Variants in CLSTN2 observed in about 807,000 individuals in gnomAD.
The protein encoded by CLSTN2 is calsyntenin-2.
In CLSTN2, 48 loss-of-function variants were observed where a neutral mutation model predicts 101.2. The ratio of observed to expected loss-of-function variants is 0.47; its 90% CI spans 0.38 to 0.60. The LOEUF (loss-of-function observed/expected upper bound fraction) is 0.60. CLSTN2 is among the 20% of genes least tolerant of loss of function. The pLI is 0.00. For synonymous variants in CLSTN2, 481 were observed against 463.6 expected, an observed-to-expected ratio of 1.04 and a Z score of -0.48; for missense variants, 1,160 against 1,238.2, an observed-to-expected ratio of 0.94 and a Z score of 0.95.
chr3:140,448,790 G>T, intron 6 of CLSTN2, 86 bp downstream of exon 6: 1 of 1,175,686 alleles, frequency 8.5e-7, no homozygotes, highest in South Asian at 1.4e-5. Flanking sequence ...TCTTAGGCAA[G>T]AATCAACCCT....
chr3:140,459,496 T>C (rs748406140), intron 6 of CLSTN2, 25 bp from the exon 7 acceptor site: 3 of 1,611,996 alleles, frequency 1.9e-6, no homozygotes, highest in African/African-American at 2.7e-5. Flanking sequence ...TGACCTGTTA[T>C]CCTTTCTTTC....
chr3:140,359,880 T>C lies in CLSTN2; in HGVS notation c.233-43749T>C, dbSNP rs941107212. ...TGAAGGTCTACTAGCTCTCTGTGGG[T>C]GGTGGAAGCTCAGCAGATACAGATA... On this transcript the variant is annotated intron_variant, in intron 2 of 16. Coordinates refer to ENST00000458420, the MANE Select transcript of CLSTN2 (RefSeq NM_022131.3). Among the ~76,000 whole-genome samples, 15 of 152,106 alleles carry C rather than the reference T, an allele frequency of 9.9e-5. No individual in the cohort carries two copies. The East Asian group carries it at 2.9e-3, about 29-fold the overall frequency.
chr3:140,138,547 T>C (rs2009649534), intron 1 of CLSTN2, among the ~76,000 whole-genome samples: 1 of 152,240 alleles, frequency 6.6e-6, no homozygotes. Context: ...ATGTGGGAAC[T>C]GCAGCCTGAC....
At chr3:140,266,313 A>G (rs2086693605) in intron 2 of CLSTN2, among the ~76,000 whole-genome samples, 1 of 152,244 alleles carries the variant, frequency 6.6e-6, no homozygotes, top group Admixed American at 6.5e-5. Context: ...GTAAAGCAAC[A>G]TTAGAAATCC....
At chr3:140,062,982 A>G (rs1029393153) in intron 1 of CLSTN2, among the ~76,000 whole-genome samples, 3 of 152,224 alleles carry the variant, frequency 2.0e-5, no homozygotes, top group Non-Finnish European at 4.4e-5. Flanking sequence ...TCAAAATATT[A>G]AAAATTGTGA....
chr3:139,979,113 G>T (rs1410517813), intron 1 of CLSTN2, among the ~76,000 whole-genome samples: 2 of 152,088 alleles, frequency 1.3e-5, no homozygotes, highest in Non-Finnish European at 2.9e-5. Context: ...AACTGTGAGA[G>T]CTTGACCCTG....
chr3:140,000,181 T>G (rs1011328831), intron 1 of CLSTN2, among the ~76,000 whole-genome samples: 2 of 152,116 alleles, frequency 1.3e-5, no homozygotes, highest in African/African-American at 4.8e-5. Flanking sequence ...GAGGCTACAG[T>G]TTGAATTCAA....
At chr3:139,945,032 C>A (rs1374418820) in intron 1 of CLSTN2, among the ~76,000 whole-genome samples, 1 of 152,040 alleles carries the variant, frequency 6.6e-6, no homozygotes, top group Non-Finnish European at 1.5e-5. Flanking sequence ...TGACTTATTT[C>A]TATGGAATCA....
At chr3:140,265,965 C>T (rs1187530030) in intron 2 of CLSTN2, among the ~76,000 whole-genome samples, 1 of 152,160 alleles carries the variant, frequency 6.6e-6, no homozygotes, top group African/African-American at 2.4e-5. Context: ...GTAGCTGGTG[C>T]AGACATCATC....
intron 2 of CLSTN2, among the ~76,000 whole-genome samples, chr3:140,327,668 C>T (rs1211428162): frequency 6.6e-6 from 1 of 152,176 alleles, no homozygotes; most frequent in Non-Finnish European, 1.5e-5. Context: ...GCAAGTCAAC[C>T]ATCATGAACC....
At chr3:140,340,318 G>T (rs139771964) in intron 2 of CLSTN2, among the ~76,000 whole-genome samples, 4 of 152,256 alleles carry the variant, frequency 2.6e-5, no homozygotes, top group Non-Finnish European at 5.9e-5. Context: ...AATGTATGCC[G>T]GCCAGCTTTG....
chr3:140,540,590 CA>C (rs1935456398), intron 9 of CLSTN2, among the ~76,000 whole-genome samples: 1 of 152,106 alleles, frequency 6.6e-6, no homozygotes, highest in South Asian at 2.1e-4. Context: ...CATCAAGGGG[CA>C]TCCCCAGGAA....
intron 2 of CLSTN2, among the ~76,000 whole-genome samples, chr3:140,398,814 G>A (rs900340728): frequency 6.6e-6 from 1 of 152,240 alleles, no homozygotes; most frequent in Non-Finnish European, 1.5e-5. Context: ...TAAAAATCAA[G>A]TTAAAGACCT....
chr3:140,015,638 A>C (rs373754933), intron 1 of CLSTN2, among the ~76,000 whole-genome samples: 1 of 152,244 alleles, frequency 6.6e-6, no homozygotes, highest in East Asian at 1.9e-4. Flanking sequence ...TGGGAGGAAC[A>C]GATTTGGGTG....
At chr3:140,389,503 G>A (rs376185404) in intron 2 of CLSTN2, among the ~76,000 whole-genome samples, 18 of 152,322 alleles carry the variant, frequency 1.2e-4, no homozygotes, top group East Asian at 5.8e-4. Context: ...ATTCCATGGT[G>A]TATATGTATT....
At chr3:140,091,752 G>A (rs1439671443) in intron 1 of CLSTN2, among the ~76,000 whole-genome samples, 5 of 152,126 alleles carry the variant, frequency 3.3e-5, no homozygotes, top group Admixed American at 3.3e-4. Context: ...TCCCATTAGG[G>A]ATTTTGTTGA....
chr3:140,180,299 T>G (rs1188775758), intron 2 of CLSTN2, among the ~76,000 whole-genome samples: 1 of 152,164 alleles, frequency 6.6e-6, no homozygotes, highest in Non-Finnish European at 1.5e-5. Context: ...CAGCACTTAC[T>G]CTAAGTTCTC....
chr3:140,364,887 G>A (rs1457329806), intron 2 of CLSTN2, among the ~76,000 whole-genome samples: 4 of 152,208 alleles, frequency 2.6e-5, no homozygotes, highest in Non-Finnish European at 5.9e-5. Context: ...AGTGGTGAAT[G>A]AGAGAGACAG....
intron 2 of CLSTN2, among the ~76,000 whole-genome samples, chr3:140,272,701 G>A (rs1203066060): frequency 5.3e-5 from 8 of 152,158 alleles, no homozygotes; most frequent in Non-Finnish European, 7.4e-5. Flanking sequence ...GCAGTGAGCC[G>A]AGTTTGTGCC....
Sources: allele counts gnomAD v4.1 joint callset (sites outside exome capture counted in the v4.1 genomes callset), GRCh38; gene constraint gnomAD v4.1.1; transcripts MANE v1.5; gene names NCBI Gene and HGNC (gene_info 2026-07-23, HGNC 2026-07-21).